GDF6: variants seen among roughly 807,000 people sequenced by gnomAD.
GDF6 encodes growth differentiation factor 6, also known as growth/differentiation factor 6.
A neutral mutation model predicts 32.4 loss-of-function variants in GDF6; 3 were observed. That is an observed-to-expected ratio of 0.09 (90% confidence interval 0.04 to 0.24). GDF6 has a LOEUF of 0.24. Among genes scored for constraint, GDF6 ranks in the 10% least tolerant of loss-of-function variants. GDF6 has a pLI of 1.00. For synonymous variants in GDF6, 296 were observed against 295.3 expected, an observed-to-expected ratio of 1.00 and a Z score of -0.03; for missense variants, 589 against 637.9, an observed-to-expected ratio of 0.92 and a Z score of 0.83.
At position 96,144,926 on chromosome 8, in the gene GDF6, G is replaced by GCGC. The variant is rs762461479; in HGVS notation, c.1002_1004dup (p.Arg335dup). ...TGCCATGGCGACTGGCGAAGGCCGTGCGCCGCCGCCGGCGGCCGGGCGAGG... is the reference window on the plus strand; with the variant it reads ...TGCCATGGCGACTGGCGAAGGCCGTGCGCCGCCGCCGCCGGCGGCCGGGCGAGG... On this transcript the variant is annotated inframe_insertion, in exon 2 of 2. Transcript: ENST00000287020. The surrounding 1 kb of genome is among the most constrained non-coding windows in gnomAD (Gnocchi z 5.1). 1.2e-6 allele frequency: 2 copies of GCGC among 1,600,134 alleles called. No individual in the cohort carries two copies. The highest frequency in any genetic ancestry group is 1.7e-6 in the Non-Finnish European group (2 of 1,173,966).
Position 96,160,798 on chromosome 8 carries a change from T to C in GDF6, c.-106A>G. 1.8e-6 allele frequency: 2 copies of C among 1,103,068 alleles called. No individual in the cohort carries two copies. Among genetic ancestry groups the C allele is most frequent in the East Asian group, 5.5e-5 (2 of 36,502 alleles). The allele number at this position is 1,103,068 out of a possible 1,614,324, so 68.3% of individuals were successfully genotyped here. On this transcript the variant is annotated 5_prime_UTR_variant, in exon 1 of 2. Transcript: ENST00000287020. ...CCGGGGCCCGGCTCCTCGGGCGGAC[T>C]CGGAGTGCGAGGAGCCGGGTCCCAG...
At chr8:96,154,784 C>T (rs1812631295) in intron 1 of GDF6, among the ~76,000 whole-genome samples, 1 of 152,238 alleles carries the variant, frequency 6.6e-6, no homozygotes, top group Non-Finnish European at 1.5e-5. Context: ...CTGTTTCTAT[C>T]ATACCATCTT....
At chr8:96,149,491 C>T (rs1246971334) in intron 1 of GDF6, among the ~76,000 whole-genome samples, 1 of 152,098 alleles carries the variant, frequency 6.6e-6, no homozygotes, top group East Asian at 1.9e-4. Flanking sequence ...CAAACCGTGG[C>T]ATGTTAGAAG....
At position 96,145,538 on chromosome 8, in the gene GDF6, A is replaced by G; in HGVS notation, c.407-14T>C. 4 of 1,597,716 alleles carry G rather than the reference A, an allele frequency of 2.5e-6. No homozygotes were observed. The highest frequency in any genetic ancestry group is 3.4e-6 in the Non-Finnish European group (4 of 1,179,614). ...GCGAGAGATCGTCTGCGAGATAAAA[A>G]ATAATTACAGTCAGTTTCACTTAAG... On this transcript the variant is annotated splice_polypyrimidine_tract_variant and intron_variant, in intron 1 of 1. Transcript: ENST00000287020. This position sits in a 1 kb window ranked among gnomAD's most constrained non-coding sequence, Gnocchi z 5.6.
At chr8:96,155,993 G>A (rs563555046) in intron 1 of GDF6, among the ~76,000 whole-genome samples, 1 of 152,222 alleles carries the variant, frequency 6.6e-6, no homozygotes, top group South Asian at 2.1e-4. Context: ...CCCCGCAGCC[G>A]GGCTATTCCC....
chr8:96,144,256 G>GAGAGAGAGAGAGAC lies in GDF6; in HGVS notation c.*306_*307insGTCTCTCTCTCTCT, dbSNP rs1812421641. The GAGAGAGAGAGAGAC allele has an allele frequency of 7.8e-6, 3 of 385,012 alleles. No individual in the cohort carries two copies. The highest frequency in any genetic ancestry group is 3.8e-5 in the Admixed American group (1 of 26,254). The allele number at this position is 385,012 out of a possible 1,614,324, so 23.8% of individuals were successfully genotyped here. A position where few individuals can be genotyped will look rare whatever the true frequency, so the allele number is the denominator to read the frequency against. ...AAAGCCACAGTAATAGAGAGAGAGA[G>GAGAGAGAGAGAGAC]AGAGAGAGAGAGAGAGAGAGAGAGA... On this transcript the variant is annotated 3_prime_UTR_variant, in exon 2 of 2. Coordinates refer to ENST00000287020, the MANE Select transcript of GDF6 (RefSeq NM_001001557.4). The surrounding 1 kb of genome is among the most constrained non-coding windows in gnomAD (Gnocchi z 5.1).
chr8:96,157,626 C>A (rs1381106570), intron 1 of GDF6, among the ~76,000 whole-genome samples: 2 of 152,158 alleles, frequency 1.3e-5, no homozygotes, highest in Non-Finnish European at 2.9e-5. Flanking sequence ...CTCGCCAGGC[C>A]GTCCACGCGT....
rs145540844 is a variant in GDF6, at chr8:96,149,860, G to A, written c.407-4336C>T. Among the ~76,000 whole-genome samples the A allele has an allele frequency of 3.0e-3, 447 of 151,080 alleles. 3 individuals are homozygous for A. Among genetic ancestry groups the A allele is most frequent in the African/African-American group, 0.011 (429 of 40,408 alleles). On this transcript the variant is annotated intron_variant, in intron 1 of 1. Transcript: ENST00000287020. ...CCGCAACGCCAAAGGCCAGACGCCC[G>A]GGGAACCTGAGCCCCAAGAGGGCGG...
chr8:96,156,615 G>T (rs191273921), intron 1 of GDF6, among the ~76,000 whole-genome samples: 44 of 152,222 alleles, frequency 2.9e-4, no homozygotes, highest in Non-Finnish European at 2.1e-4. Flanking sequence ...ATCCCATGAT[G>T]GCACCTAAAC....
At chr8:96,156,436 C>G (rs1812667140) in intron 1 of GDF6, among the ~76,000 whole-genome samples, 1 of 151,492 alleles carries the variant, frequency 6.6e-6, no homozygotes. Flanking sequence ...CTGTCTCTCT[C>G]TTTTCCTCCC....
chr8:96,152,792 C>CACGGAGT (rs1283116662), intron 1 of GDF6, among the ~76,000 whole-genome samples: 21 of 152,130 alleles, frequency 1.4e-4, no homozygotes, highest in African/African-American at 4.3e-4. Flanking sequence ...GCAAGTCTTC[C>CACGGAGT]ACGGAGTCTT....
At position 96,148,001 on chromosome 8, in the gene GDF6, TA is replaced by T. The variant is rs58064388; in HGVS notation, c.407-2478del. ...CAGCCTGCTTTTGTTTTTACTCTTT[TA>T]AAAAAAATGTGTGGGCTAATAAATG... On this transcript the variant is annotated intron_variant, in intron 1 of 1. Transcript: ENST00000287020. Among the ~76,000 whole-genome samples, 192 of 152,136 alleles carry T rather than the reference TA, an allele frequency of 1.3e-3. 1 individual carries two copies. Among genetic ancestry groups the T allele is most frequent in the African/African-American group, 4.4e-3 (183 of 41,522 alleles).
chr8:96,145,010 C>T lies in GDF6; in HGVS notation c.921G>A (p.Ala307=). The change falls in exon 2 of 2, where the codon GCG becomes GCA. Residue 307 remains alanine (A), a synonymous_variant. Transcript: ENST00000287020. The surrounding 1 kb of genome is among the most constrained non-coding windows in gnomAD (Gnocchi z 5.6). ...GCGGCGGCCACGACCCCTCGGCGCC[C>T]GCGCCCGGGCCCGCAGCCTCGGCCG... ...LGSAEAAGPG[A]GAEGSWPPPS... The T allele has an allele frequency of 7.2e-7, 1 of 1,387,954 alleles. No individual in the cohort carries two copies. The highest frequency in any genetic ancestry group is 2.5e-4 in the Middle Eastern group (1 of 3,992). The allele number at this position is 1,387,954 out of a possible 1,614,324, so 86.0% of individuals were successfully genotyped here. A position where few individuals can be genotyped will look rare whatever the true frequency, so the allele number is the denominator to read the frequency against.
chr8:96,145,040 C>A lies in GDF6; in HGVS notation c.891G>T (p.Leu297=). ...KNLFAEMREQ[L]GSAEAAGPGA... is the part of the protein sequence containing the mutation. ...CCGGGCCCGCAGCCTCGGCCGAGCC[C>A]AGCTGCTCGCGCATCTCTGCGAACA... Residue 297 remains leucine, a synonymous_variant, in exon 2 of 2, where the codon CTG becomes CTT. Transcript: ENST00000287020. This position sits in a 1 kb window ranked among gnomAD's most constrained non-coding sequence, Gnocchi z 5.6. The A allele has an allele frequency of 6.8e-7, 1 of 1,468,174 alleles. No homozygotes were observed. Among genetic ancestry groups the A allele is most frequent in the Non-Finnish European group, 9.0e-7 (1 of 1,115,174 alleles). 90.9% of individuals were successfully genotyped at this position (1,468,174 alleles called of 1,614,324 possible).
At chr8:96,157,237 A>T (rs1055000955) in intron 1 of GDF6, among the ~76,000 whole-genome samples, 3 of 151,888 alleles carry the variant, frequency 2.0e-5, no homozygotes, top group African/African-American at 7.3e-5. Context: ...TTTCCCCAAT[A>T]AGTTCTCCTC....
Position 96,145,061 on chromosome 8 carries a change from G to T in GDF6, c.870C>A (p.Phe290Leu), listed in dbSNP as rs765928590. The change falls in exon 2 of 2, where the codon TTC (phenylalanine) becomes TTA (leucine). Residue 290 changes from phenylalanine (F) to leucine (L), a missense_variant. By Grantham distance (22) the Phe-to-Leu change is conservative. This residue lies in a region of GDF6 where 436 missense variants were observed against 411.2 expected (regional missense o/e 1.06). Transcript: ENST00000287020. The surrounding 1 kb of genome is among the most constrained non-coding windows in gnomAD (Gnocchi z 5.6). ...VFTRSQRKNL[F>L]AEMREQLGSA... is the part of the protein sequence containing the mutation. The stretch of plus-strand genomic sequence containing the variant: ...AGCCCAGCTGCTCGCGCATCTCTGC[G>T]AACAGGTTCTTGCGCTGGGATCTGG... 6.7e-7 allele frequency: 1 copy of T among 1,499,938 alleles called. No individual in the cohort carries two copies. The allele number at this position is 1,499,938 out of a possible 1,614,324, so 92.9% of individuals were successfully genotyped here. A position where few individuals can be genotyped will look rare whatever the true frequency, so the allele number is the denominator to read the frequency against.
intron 1 of GDF6, among the ~76,000 whole-genome samples, chr8:96,149,783 G>A (rs1036233317): frequency 2.0e-5 from 3 of 152,222 alleles, no homozygotes; most frequent in East Asian, 1.9e-4. Context: ...GTCACAGTAC[G>A]TGGCTGGAGA....
chr8:96,155,440 T>C (rs1345101064), intron 1 of GDF6, among the ~76,000 whole-genome samples: 2 of 152,258 alleles, frequency 1.3e-5, no homozygotes, highest in African/African-American at 4.8e-5. Context: ...GCCTTACTTA[T>C]TCGAACCAGA....
intron 1 of GDF6, among the ~76,000 whole-genome samples, chr8:96,159,526 A>G (rs1415808377): frequency 3.3e-5 from 5 of 152,150 alleles, no homozygotes; most frequent in Non-Finnish European, 7.4e-5. Context: ...CTGGCTGAGA[A>G]AGGTGGATGG....
Sources: gnomAD v4.1 joint callset for allele counts (sites outside exome capture counted in the v4.1 genomes callset) on GRCh38, gnomAD v4.1.1 for gene constraint, gnomAD v4.1.1 regional missense constraint, Gnocchi (gnomAD v3.1) non-coding constraint, MANE v1.5 for transcripts, NCBI Gene and HGNC (gene_info 2026-07-23, HGNC 2026-07-21) for gene names.